Variants in TLL1 observed in about 807,000 individuals in gnomAD.
TLL1 encodes tolloid like 1, also known as tolloid-like protein 1.
TLL1 carries 49 observed loss-of-function variants against 128.2 expected under a neutral mutation model. That is an observed-to-expected ratio of 0.38 (90% CI 0.30 to 0.48). The LOEUF (loss-of-function observed/expected upper bound fraction) is 0.48. TLL1 is among the 20% of genes least tolerant of loss of function. The pLI, the probability that TLL1 is intolerant of heterozygous loss-of-function variation, is 0.96. For missense variants in TLL1, 1,123 were observed against 1,242.0 expected, an observed-to-expected ratio of 0.90 and a Z score of 1.44; for synonymous variants, 454 against 418.8, an observed-to-expected ratio of 1.08 and a Z score of -1.03.
intron 1 of TLL1, among the ~76,000 whole-genome samples, chr4:165,942,908 G>T (rs1469228262): frequency 6.6e-6 from 1 of 151,854 alleles, no homozygotes; most frequent in Non-Finnish European, 1.5e-5. Context: ...GTTTATCACT[G>T]GTCCTGGATC....
chr4:165,976,506 A>T (rs1211277128), intron 1 of TLL1, among the ~76,000 whole-genome samples: 2 of 152,200 alleles, frequency 1.3e-5, no homozygotes, highest in Non-Finnish European at 2.9e-5. Context: ...AGACAATGCA[A>T]TTCTAATCAA....
chr4:165,989,338 C>A, intron 1 of TLL1, 43 bp from the exon 2 acceptor site: 2 of 1,416,618 alleles, frequency 1.4e-6, no homozygotes, highest in South Asian at 1.1e-5. Context: ...GTATTGATTT[C>A]ACGGAAATAT....
chr4:165,941,120 A>C (rs934821641), intron 1 of TLL1, among the ~76,000 whole-genome samples: 6 of 151,944 alleles, frequency 3.9e-5, no homozygotes, highest in African/African-American at 1.4e-4. Context: ...TAAAACTTAA[A>C]ATGGATGCCT....
rs576389985 is a variant in TLL1, at chr4:166,065,941, T to A, written c.2188+78T>A. On this transcript the variant is annotated intron_variant, in intron 16 of 20. Coordinates refer to ENST00000061240, the MANE Select transcript of TLL1 (RefSeq NM_012464.5). Reference sequence around the variant, plus strand: ...GGATTAAATTGTATGTGATCTATTTTTCATAGTTTTCTGTAAATGCAACTT... The same window carrying A: ...GGATTAAATTGTATGTGATCTATTTATCATAGTTTTCTGTAAATGCAACTT... 26 of 1,479,692 alleles carry A rather than the reference T, an allele frequency of 1.8e-5. No individual in the cohort carries two copies. In the African/African-American group the frequency reaches 3.1e-4, roughly 17 times the overall value. 91.7% of individuals were successfully genotyped at this position (1,479,692 alleles called of 1,614,324 possible).
chr4:166,082,582 T>C (rs1426371272), intron 18 of TLL1, among the ~76,000 whole-genome samples: 1 of 152,192 alleles, frequency 6.6e-6, no homozygotes, highest in Non-Finnish European at 1.5e-5. Flanking sequence ...CTTTGACATT[T>C]ATAATACAGG....
chr4:166,090,217 G>A (rs1741698802), intron 18 of TLL1, among the ~76,000 whole-genome samples: 1 of 151,556 alleles, frequency 6.6e-6, no homozygotes, highest in Non-Finnish European at 1.5e-5. Context: ...ACTTAAGTAG[G>A]AATGGCGGCT....
At chr4:166,084,819 A>G (rs1741428230) in intron 18 of TLL1, among the ~76,000 whole-genome samples, 2 of 151,890 alleles carry the variant, frequency 1.3e-5, no homozygotes. Flanking sequence ...TATTAGGATG[A>G]TTCTAACTTT....
intron 1 of TLL1, among the ~76,000 whole-genome samples, chr4:165,973,009 T>C (rs1321251147): frequency 1.3e-5 from 2 of 152,210 alleles, no homozygotes; most frequent in African/African-American, 4.8e-5. Flanking sequence ...CTCCCTGGCA[T>C]TTCTCTATTA....
chr4:165,894,799 T>C (rs1188834408), intron 1 of TLL1, among the ~76,000 whole-genome samples: 2 of 151,960 alleles, frequency 1.3e-5, no homozygotes, highest in South Asian at 2.1e-4. Flanking sequence ...TTACTACCTT[T>C]CTGGAGTTTT....
At chr4:165,936,174 A>G in intron 1 of TLL1, among the ~76,000 whole-genome samples, 1 of 149,264 alleles carries the variant, frequency 6.7e-6, no homozygotes, top group Middle Eastern at 3.5e-3. Context: ...TAAAATAATT[A>G]GAAATTCATT....
intron 18 of TLL1, among the ~76,000 whole-genome samples, chr4:166,084,881 A>T (rs542729174): frequency 6.6e-6 from 1 of 151,432 alleles, no homozygotes; most frequent in East Asian, 1.9e-4. Flanking sequence ...TTGGCTATGC[A>T]GTCTTTTTAT....
chr4:165,991,447 G>T (rs760547858), intron 2 of TLL1, among the ~76,000 whole-genome samples: 3 of 151,820 alleles, frequency 2.0e-5, no homozygotes, highest in Admixed American at 6.6e-5. Context: ...TCTCCTAATT[G>T]CTTAGGAATG....
chr4:165,957,645 A>G (rs1203349812), intron 1 of TLL1, among the ~76,000 whole-genome samples: 1 of 151,072 alleles, frequency 6.6e-6, no homozygotes, highest in Admixed American at 6.6e-5. Context: ...GTAGACTTTT[A>G]TCGCTCGTCC....
chr4:166,036,508 A>G (rs1291753504), intron 9 of TLL1, among the ~76,000 whole-genome samples: 1 of 152,206 alleles, frequency 6.6e-6, no homozygotes, highest in Non-Finnish European at 1.5e-5. Flanking sequence ...GTAAAATAAC[A>G]TAATGTAAAA....
In TLL1 at chr4:166,049,754, A is replaced by G. The variant is rs150384573; in HGVS notation, c.1525-5322A>G. ...TTTTAAACTTTTCACCTTTTTATTC[A>G]ATGTTCCTTTTGTTTATACTATTAT... On this transcript the variant is annotated intron_variant, in intron 12 of 20. Transcript: ENST00000061240. Among the ~76,000 whole-genome samples, 487 of 151,316 alleles carry G rather than the reference A, an allele frequency of 3.2e-3. 18 individuals carry two copies. The East Asian group carries it at 0.08, about 25-fold the overall frequency.
chr4:166,012,775 A>G lies in TLL1; in HGVS notation c.918-1661A>G, dbSNP rs138298890. Among the ~76,000 whole-genome samples the G allele has an allele frequency of 6.6e-3, 995 of 151,654 alleles. 5 individuals are homozygous for G. Among genetic ancestry groups the G allele is most frequent in the Non-Finnish European group, 0.011 (740 of 67,700 alleles). ...TCAATTCCCGTAAATCACTAGCTCT[A>G]CTTCTCTCCTGTCTTTTCAGACAAT... On this transcript the variant is annotated intron_variant, in intron 7 of 20. Transcript: ENST00000061240.
chr4:165,997,243 T>A (rs1736927387), intron 5 of TLL1, among the ~76,000 whole-genome samples: 1 of 152,126 alleles, frequency 6.6e-6, no homozygotes, highest in Non-Finnish European at 1.5e-5. Flanking sequence ...ACAAAGTACT[T>A]CAGCTCAACT....
chr4:166,057,240 A>G lies in TLL1; in HGVS notation c.1777A>G (p.Thr593Ala). ...AGGCTGTGAGCAGCGATGTCTGAAC[A>G]CTCTGGGCAGTTACCAGTGTGCCTG... ...RGGCEQRCLNTLGSYQCACEP... is the reference protein window; with the variant it reads ...RGGCEQRCLNALGSYQCACEP... Residue 593 changes from threonine (T) to alanine (A), a missense_variant, in exon 14 of 21, where the codon ACT becomes GCT. Thr to Ala is a moderately conservative substitution (Grantham distance 58). Around this residue, in one of 3 missense-constraint regions of TLL1, gnomAD observed 634 missense variants for 672.4 expected, o/e 0.94. Transcript: ENST00000061240. 1 of 1,613,826 alleles carries G rather than the reference A, an allele frequency of 6.2e-7. No homozygotes were observed. The highest frequency in any genetic ancestry group is 8.5e-7 in the Non-Finnish European group (1 of 1,179,926).
chr4:165,938,847 C>A (rs1733877043), intron 1 of TLL1, among the ~76,000 whole-genome samples: 1 of 151,614 alleles, frequency 6.6e-6, no homozygotes, highest in Admixed American at 6.6e-5. Context: ...TTAAACTACC[C>A]TTCTAATAAG....
Sources: allele counts gnomAD v4.1 joint callset (sites outside exome capture counted in the v4.1 genomes callset), GRCh38; gene constraint gnomAD v4.1.1; regional missense constraint gnomAD v4.1.1; transcripts MANE v1.5; gene names NCBI Gene and HGNC (gene_info 2026-07-23, HGNC 2026-07-21).